Variants in KLK8 observed in about 807,000 individuals in gnomAD.
KLK8 encodes the protein kallikrein related peptidase 8, also known as kallikrein-8.
In KLK8, 18 loss-of-function variants were observed where a neutral mutation model predicts 26.7. The observed-to-expected ratio is 0.67, with a 90% CI of 0.47 to 1.00. The LOEUF (loss-of-function observed/expected upper bound fraction) is 1.00, where lower values mean the gene tolerates loss of function less well. Among genes scored for constraint, KLK8 ranks in the 50% least tolerant of loss-of-function variants. The pLI is 0.00. For missense variants in KLK8, 301 were observed against 331.7 expected, an observed-to-expected ratio of 0.91 and a Z score of 0.72; for synonymous variants, 137 against 127.1, an observed-to-expected ratio of 1.08 and a Z score of -0.52.
intron 5 of KLK8, 198 bp from the exon 5 acceptor site, chr19:50,998,082 T>C (rs1043335593): frequency 9.9e-6 from 6 of 606,572 alleles, no homozygotes; most frequent in African/African-American, 7.5e-5. Context: ...TTGGGCTTTC[T>C]CCATCTAGAG....
chr19:50,997,625 G>A (rs2122315672), intron 6 of KLK8, 126 bp downstream of exon 5: 1 of 1,120,862 alleles, frequency 8.9e-7, no homozygotes, highest in Non-Finnish European at 1.3e-6. Context: ...CGTAGAGATA[G>A]GGGTGAACAC....
intron 2 of KLK8, 149 bp downstream of exon 1, chr19:51,001,383 A>T: frequency 1.8e-6 from 1 of 559,698 alleles, no homozygotes; most frequent in Non-Finnish European, 3.2e-6. Flanking sequence ...GGGAGCTGGG[A>T]GCTGGGACTC....
rs1333295376 is a variant in KLK8, at chr19:51,000,247, A to T, written c.242T>A (p.Val81Glu). Residue 81 changes from valine (V) to glutamate (E), a missense_variant, in exon 5 of 7, where the codon GTA becomes GAA. By Grantham distance (121) the Val-to-Glu change is moderately radical. Coordinates refer to ENST00000600767, the Ensembl canonical transcript of KLK8. ...CTGTAGGCTGTGGTCTCCCAGGCGT[A>T]CTGTGTATTTCCTGTAATGGTGGGG... 4 of 1,588,464 alleles carry T rather than the reference A, an allele frequency of 2.5e-6. No homozygotes were observed. In the African/African-American group the frequency reaches 4.0e-5, roughly 16 times the overall value.
At chr19:51,001,028 C>G in intron 3 of KLK8, 70 bp downstream of exon 2, 1 of 1,427,392 alleles carries the variant, frequency 7.0e-7, no homozygotes, top group South Asian at 1.2e-5. Flanking sequence ...CGCGGCATTC[C>G]CACAGACTCC....
rs559331996 is a variant in KLK8 at position 50,997,635 on chromosome 19, C to T, written c.627+116G>A. 57 of 1,278,338 alleles carry T rather than the reference C, an allele frequency of 4.5e-5. No homozygotes were observed. In the African/African-American group the frequency reaches 6.7e-4, roughly 15 times the overall value. 79.2% of individuals were successfully genotyped at this position (1,278,338 alleles called of 1,614,324 possible). ...CAATCCGTAGAGATAGGGGTGAACA[C>T]TCCGGGTGCCAAGTCTTTGGGGTCA... On this transcript the variant is annotated intron_variant, in intron 6 of 6. Transcript: ENST00000600767.
At chr19:50,999,897 C>G (rs2091205094) in intron 5 of KLK8, 99 bp downstream of exon 4, 25 of 1,283,890 alleles carry the variant, frequency 1.9e-5, no homozygotes, top group Non-Finnish European at 2.7e-5. Flanking sequence ...ACTTTCCCTT[C>G]TTTGTCTCCC....
chr19:50,997,915 A>C (rs2091185791), intron 5 of KLK8, 31 bp from the exon 5 acceptor site: 2 of 1,612,530 alleles, frequency 1.2e-6, no homozygotes, highest in Admixed American at 3.3e-5. Flanking sequence ...AGGTTCCCTG[A>C]GAGAGCAGCC....
At chr19:50,997,937 T>A in intron 5 of KLK8, 53 bp from the exon 5 acceptor site, 1 of 1,606,964 alleles carries the variant, frequency 6.2e-7, no homozygotes, top group Non-Finnish European at 8.5e-7. Context: ...TTTGCCTCCA[T>A]CCCTGTCTGG....
chr19:50,996,418 AAC>A (rs1050039859), intron 6 of KLK8, among the ~76,000 whole-genome samples: 4 of 152,136 alleles, frequency 2.6e-5, no homozygotes, highest in East Asian at 3.9e-4. Context: ...TAGTGGTCAA[AAC>A]ACTGACAGAA....
At chr19:51,001,548 G>A (rs2091227457) in exon 2 of KLK8, 1 of 200,964 alleles carries the variant, frequency 5.0e-6, no homozygotes, top group Non-Finnish European at 1.0e-5. Context: ...GAATCCAGGG[G>A]CGGGGTCACC....
chr19:50,998,027 G>T, intron 5 of KLK8, 143 bp from the exon 5 acceptor site: 1 of 944,934 alleles, frequency 1.1e-6, no homozygotes, highest in Non-Finnish European at 1.6e-6. Context: ...TGTGCACAGG[G>T]GACATCACTT....
intron 4 of KLK8, 76 bp from the exon 4 acceptor site, chr19:51,000,334 C>A: frequency 1.3e-6 from 2 of 1,540,138 alleles, no homozygotes; most frequent in Non-Finnish European, 1.8e-6. Context: ...ACCCAGGAGT[C>A]CAGTCCTCAG....
intron 6 of KLK8, among the ~76,000 whole-genome samples, chr19:50,996,919 CACACACACACACACACA>C (rs1568554309): frequency 4.0e-5 from 6 of 151,520 alleles, no homozygotes; most frequent in Admixed American, 2.0e-4. Context: ...CACACACACA[CACACACACACACACACA>C]CACCATATCC....
At position 50,998,046 on chromosome 19, in the gene KLK8, A is replaced by C; in HGVS notation, c.494-162T>G. 4 of 772,318 alleles carry C rather than the reference A, an allele frequency of 5.2e-6. No homozygotes were observed. In the South Asian group the frequency reaches 7.1e-5, roughly 14 times the overall value. 47.8% of individuals were successfully genotyped at this position (772,318 alleles called of 1,614,324 possible). A position where few individuals can be genotyped will look rare whatever the true frequency, so the allele number is the denominator to read the frequency against. ...CACAGGGGACATCACTTCTCACCACATTAAACGAAGCTGTACTTGTTGCTA... is the reference window on the plus strand; with the variant it reads ...CACAGGGGACATCACTTCTCACCACCTTAAACGAAGCTGTACTTGTTGCTA... On this transcript the variant is annotated intron_variant, in intron 5 of 6. Transcript: ENST00000600767.
chr19:50,999,881 A>G (rs2091204890), intron 5 of KLK8, 115 bp downstream of exon 4: 2 of 1,108,686 alleles, frequency 1.8e-6, no homozygotes, highest in Admixed American at 2.6e-5. Flanking sequence ...TCTCAACATC[A>G]TGATCACTTT....
At chr19:51,000,971 A>T in intron 3 of KLK8, 127 bp downstream of exon 2, 1 of 935,756 alleles carries the variant, frequency 1.1e-6, no homozygotes. Context: ...AGGCTCCTGC[A>T]CCGTATCGCA....
At chr19:51,000,658 A>C (rs1406924481) in intron 3 of KLK8, 75 bp from the exon 3 acceptor site, 2 of 1,587,240 alleles carry the variant, frequency 1.3e-6, no homozygotes, top group African/African-American at 1.3e-5. Flanking sequence ...CTGTGGGTTC[A>C]AATGGACACA....
intron 5 of KLK8, 146 bp from the exon 5 acceptor site, chr19:50,998,030 C>G: frequency 2.2e-6 from 2 of 899,538 alleles, no homozygotes; most frequent in Non-Finnish European, 3.4e-6. Context: ...GCACAGGGGA[C>G]ATCACTTCTC....
chr19:50,996,103 G>A (rs771795082), exon 7 of KLK8: 20 of 1,614,080 alleles, frequency 1.2e-5, no homozygotes, highest in Admixed American at 5.0e-5. Context: ...TCCAGGTAGC[G>A]GCAGATGTTG....
Sources: allele counts gnomAD v4.1 joint callset (sites outside exome capture counted in the v4.1 genomes callset), GRCh38; gene constraint gnomAD v4.1.1; transcripts MANE v1.5; gene names NCBI Gene and HGNC (gene_info 2026-07-23, HGNC 2026-07-21).